ATP11A: variants seen among roughly 807,000 people sequenced by gnomAD.
The protein encoded by ATP11A is phospholipid-transporting ATPase IH.
In ATP11A, 81 loss-of-function variants were observed where a neutral mutation model predicts 154.4. The ratio of observed to expected loss-of-function variants is 0.52; its 90% confidence interval spans 0.44 to 0.63. The LOEUF is 0.63. Ranked by LOEUF, ATP11A falls within the 30% of genes least tolerant of loss-of-function variation. The pLI is 0.00. For missense variants in ATP11A, 1,316 were observed against 1,474.3 expected, an observed-to-expected ratio of 0.89 and a Z score of 1.76; for synonymous variants, 623 against 585.9, an observed-to-expected ratio of 1.06 and a Z score of -0.91.
chr13:112,862,365 G>A (rs373152500), intron 24 of ATP11A, 75 bp from the exon 25 acceptor site: 18 of 1,576,210 alleles, frequency 1.1e-5, no homozygotes, highest in Non-Finnish European at 1.6e-5. Flanking sequence ...TCCAGGGATG[G>A]CCACCCCAGA....
rs764872411 is a variant in ATP11A at position 112,884,052 on chromosome 13, T to A, written c.*2186T>A. ...GGTTTTTAAAGCTTTCATTTTTAAG[T>A]TTATGAAATTTTGGCCACTTTACAT... On this transcript the variant is annotated 3_prime_UTR_variant, in exon 30 of 30. Coordinates refer to ENST00000375645, the MANE Select transcript of ATP11A (RefSeq NM_015205.3). The A allele has an allele frequency of 6.6e-6, 1 of 152,496 alleles. No homozygotes were observed. Among genetic ancestry groups the A allele is most frequent in the Non-Finnish European group, 1.5e-5 (1 of 68,032 alleles). 9.4% of individuals were successfully genotyped at this position (152,496 alleles called of 1,614,324 possible).
chr13:112,764,544 C>G (rs2077031960), intron 1 of ATP11A, among the ~76,000 whole-genome samples: 1 of 152,226 alleles, frequency 6.6e-6, no homozygotes, highest in Non-Finnish European at 1.5e-5. Context: ...CCCACCCTGC[C>G]TCCCATCCAG....
intron 1 of ATP11A, among the ~76,000 whole-genome samples, chr13:112,776,560 C>T (rs1007902880): frequency 1.3e-5 from 2 of 152,050 alleles, no homozygotes; most frequent in Non-Finnish European, 2.9e-5. Context: ...TTTGGTGTTG[C>T]GCTCTGTCAA....
chr13:112,828,112 T>TGGGGGGAAACGCCCAGCAGTGTTGAGTGC lies in ATP11A; in HGVS notation c.1221+1229_1221+1230insACGCCCAGCAGTGTTGAGTGCGGGGGGAA, dbSNP rs1566539309. On this transcript the variant is annotated intron_variant, in intron 12 of 29. Coordinates refer to ENST00000375645, the MANE Select transcript of ATP11A (RefSeq NM_015205.3). ...GGGGAAAGCGCCCAGCAGCGTTGAGTGGGGGGAAGCGCCCAGCAGCGTTGA... is the reference window on the plus strand; with the variant it reads ...GGGGAAAGCGCCCAGCAGCGTTGAGTGGGGGGAAACGCCCAGCAGTGTTGAGTGCGGGGGGAAGCGCCCAGCAGCGTTGA... Among the ~76,000 whole-genome samples the TGGGGGGAAACGCCCAGCAGTGTTGAGTGC allele has an allele frequency of 1.2e-4, 5 of 41,410 alleles. 1 individual carries two copies. Among genetic ancestry groups the TGGGGGGAAACGCCCAGCAGTGTTGAGTGC allele is most frequent in the South Asian group, 1.2e-3 (2 of 1,642 alleles). 27.2% of individuals were successfully genotyped at this position (41,410 alleles called of 152,430 possible). A position where few individuals can be genotyped will look rare whatever the true frequency, so the allele number is the denominator to read the frequency against.
At chr13:112,744,244 G>C (rs941482719) in intron 1 of ATP11A, among the ~76,000 whole-genome samples, 13 of 152,220 alleles carry the variant, frequency 8.5e-5, no homozygotes, top group African/African-American at 3.1e-4. Flanking sequence ...GATGTGTGTT[G>C]ACGGATTTCT....
chr13:112,752,341 C>T (rs1052207877), intron 1 of ATP11A, among the ~76,000 whole-genome samples: 2 of 152,158 alleles, frequency 1.3e-5, no homozygotes, highest in African/African-American at 4.8e-5. Flanking sequence ...AGGCCTCCTG[C>T]GAGGACCTGT....
At chr13:112,701,697 G>A (rs941063144) in intron 1 of ATP11A, among the ~76,000 whole-genome samples, 2 of 152,160 alleles carry the variant, frequency 1.3e-5, no homozygotes, top group Non-Finnish European at 2.9e-5. Context: ...GCTGGGCGTG[G>A]TGGCGGGCGC....
chr13:112,787,081 C>T lies in ATP11A; in HGVS notation c.162+1824C>T, dbSNP rs199741451. Among the ~76,000 whole-genome samples the T allele has an allele frequency of 1.1e-3, 142 of 128,054 alleles. 1 individual carries two copies. The highest frequency in any genetic ancestry group is 3.5e-3 in the African/African-American group (111 of 31,612). The allele number at this position is 128,054 out of a possible 152,430, so 84.0% of individuals were successfully genotyped here. A position where few individuals can be genotyped will look rare whatever the true frequency, so the allele number is the denominator to read the frequency against. ...ACACCGGGTGTCCTGATGCGTAGACCCCTGTGGAGACCTACTTAATTCACA... is the reference window on the plus strand; with the variant it reads ...ACACCGGGTGTCCTGATGCGTAGACTCCTGTGGAGACCTACTTAATTCACA... On this transcript the variant is annotated intron_variant, in intron 2 of 29. Coordinates refer to ENST00000375645, the MANE Select transcript of ATP11A (RefSeq NM_015205.3).
At position 112,778,504 on chromosome 13, in the gene ATP11A, A is replaced by G. The variant is rs1326963449; in HGVS notation, c.40-6631A>G. Among the ~76,000 whole-genome samples, 4 of 152,394 alleles carry G rather than the reference A, an allele frequency of 2.6e-5. No individual in the cohort carries two copies. The South Asian group carries it at 6.2e-4, about 24-fold the overall frequency. On this transcript the variant is annotated intron_variant, in intron 1 of 29. Transcript: ENST00000375645. ...ATCTCAGTGCTTTGGGAGGCTGCACAGGGAGCATTGCTTGAGCCCAGGAGT... is the reference window on the plus strand; with the variant it reads ...ATCTCAGTGCTTTGGGAGGCTGCACGGGGAGCATTGCTTGAGCCCAGGAGT...
At chr13:112,762,750 C>T (rs2076991445) in intron 1 of ATP11A, among the ~76,000 whole-genome samples, 3 of 152,222 alleles carry the variant, frequency 2.0e-5, no homozygotes, top group Admixed American at 1.3e-4. Flanking sequence ...CATTCAAGAT[C>T]ATAAAACGTA....
chr13:112,829,883 T>TG (rs1216021511), intron 12 of ATP11A, among the ~76,000 whole-genome samples: 1 of 152,240 alleles, frequency 6.6e-6, no homozygotes, highest in Non-Finnish European at 1.5e-5. Flanking sequence ...GTAGTGATTC[T>TG]ATATACCAGA....
rs188696564 is a variant in ATP11A, at chr13:112,751,689, A to G, written c.40-33446A>G. 3.3e-5 allele frequency among the ~76,000 whole-genome samples: 5 copies of G among 151,938 alleles called. No homozygotes were observed. In the East Asian group the frequency reaches 9.7e-4, roughly 30 times the overall value. On this transcript the variant is annotated intron_variant, in intron 1 of 29. Transcript: ENST00000375645. The stretch of plus-strand genomic sequence containing the variant: ...AAAACAAAACAAAACAAAAAAAAAA[A>G]CAGACATTGGCCCTTTGACTGATAT...
At chr13:112,722,708 G>C (rs1339634586) in intron 1 of ATP11A, among the ~76,000 whole-genome samples, 1 of 152,178 alleles carries the variant, frequency 6.6e-6, no homozygotes, top group African/African-American at 2.4e-5. Context: ...AAATACTTTA[G>C]AAAGATTTAT....
Position 112,883,035 on chromosome 13 carries a change from C to T in ATP11A, c.*1169C>T, listed in dbSNP as rs986830180. 1.3e-5 allele frequency: 5 copies of T among 398,228 alleles called. No individual in the cohort carries two copies. In the South Asian group the frequency reaches 3.8e-4, roughly 30 times the overall value. The allele number at this position is 398,228 out of a possible 1,614,324, so 24.7% of individuals were successfully genotyped here. On this transcript the variant is annotated 3_prime_UTR_variant, in exon 30 of 30. Coordinates refer to ENST00000375645, the MANE Select transcript of ATP11A (RefSeq NM_015205.3). ...GTCCCATCCCCACGTCCCCTCATCC[C>T]GTCACCTCGTCCCCACATCCCCTTG...
chr13:112,846,796 G>A (rs996982206), intron 17 of ATP11A, among the ~76,000 whole-genome samples: 3 of 152,192 alleles, frequency 2.0e-5, no homozygotes, highest in African/African-American at 7.2e-5. Flanking sequence ...GAGTTCCTGG[G>A]AACAGTCTGT....
chr13:112,700,459 A>G (rs1259484419), intron 1 of ATP11A, among the ~76,000 whole-genome samples: 1 of 152,200 alleles, frequency 6.6e-6, no homozygotes, highest in Non-Finnish European at 1.5e-5. Context: ...CGATCCTCAC[A>G]GCAGCCCTGT....
Position 112,875,843 on chromosome 13 carries a change from C to A in ATP11A, c.3229C>A (p.Leu1077Met). Residue 1077 changes from leucine (L) to methionine (M), a missense_variant, in exon 28 of 30, where the codon CTG (leucine) becomes ATG (methionine). This residue lies in a region of ATP11A where 294 missense variants were observed against 290.2 expected (regional missense o/e 1.01). Transcript: ENST00000375645. This position sits in a 1 kb window ranked among gnomAD's most constrained non-coding sequence, Gnocchi z 4.1. The part of the protein sequence containing the change: ...IQMLSSGPAW[L>M]AIVLLVTISL... ...GATGCTGTCCAGCGGGCCCGCCTGG[C>A]TGGCCATCGTGCTGCTGGTGACCAT... The A allele has an allele frequency of 6.2e-7, 1 of 1,613,988 alleles. No homozygotes were observed. The highest frequency in any genetic ancestry group is 1.1e-5 in the South Asian group (1 of 91,086).
chr13:112,708,471 G>A (rs76024769), intron 1 of ATP11A, among the ~76,000 whole-genome samples: 19 of 152,234 alleles, frequency 1.2e-4, no homozygotes, highest in Admixed American at 2.6e-4. Flanking sequence ...TTTAAAAACC[G>A]CAAGTATAGC....
chr13:112,882,430 T>G lies in ATP11A; in HGVS notation c.*564T>G. 1 of 426,292 alleles carries G rather than the reference T, an allele frequency of 2.3e-6. No homozygotes were observed. The highest frequency in any genetic ancestry group is 4.3e-6 in the Non-Finnish European group (1 of 234,914). The allele number at this position is 426,292 out of a possible 1,614,324, so 26.4% of individuals were successfully genotyped here. On this transcript the variant is annotated 3_prime_UTR_variant, in exon 30 of 30. Coordinates refer to ENST00000375645, the MANE Select transcript of ATP11A (RefSeq NM_015205.3). This position sits in a 1 kb window ranked among gnomAD's most constrained non-coding sequence, Gnocchi z 5.1. The stretch of plus-strand genomic sequence containing the variant: ...GCCCGGCCACCACCCATGCCCTCCA[T>G]AGGGTGAGGTGGAGCCATGGTGGTG...
Sources: allele counts gnomAD v4.1 joint callset (sites outside exome capture counted in the v4.1 genomes callset), GRCh38; gene constraint gnomAD v4.1.1; regional missense constraint gnomAD v4.1.1; non-coding constraint Gnocchi (gnomAD v3.1); transcripts MANE v1.5; gene names NCBI Gene and HGNC (gene_info 2026-07-23, HGNC 2026-07-21).